Variants in MACROD2 observed in about 807,000 individuals in gnomAD.
MACROD2 encodes mono-ADP ribosylhydrolase 2.
A neutral mutation model predicts 70.4 loss-of-function variants in MACROD2; 36 were observed. The observed-to-expected ratio is 0.51, with a 90% CI of 0.39 to 0.68. The LOEUF (loss-of-function observed/expected upper bound fraction) is 0.68, where lower values mean the gene tolerates loss of function less well. Ranked by LOEUF, MACROD2 falls within the 30% of genes least tolerant of loss-of-function variation. MACROD2 has a pLI of 0.00. For synonymous variants in MACROD2, 172 were observed against 178.8 expected, an observed-to-expected ratio of 0.96 and a Z score of 0.30; for missense variants, 496 against 538.4, an observed-to-expected ratio of 0.92 and a Z score of 0.78.
At chr20:14,740,449 C>G (rs1736404525) in intron 5 of MACROD2, among the ~76,000 whole-genome samples, 1 of 152,126 alleles carries the variant, frequency 6.6e-6, no homozygotes, top group Non-Finnish European at 1.5e-5. Flanking sequence ...AGTGGCAAAT[C>G]TTTTCCTTGG....
chr20:14,020,698 C>T lies in MACROD2; in HGVS notation c.163+18294C>T, dbSNP rs557669509. On this transcript the variant is annotated intron_variant, in intron 2 of 17. Coordinates refer to ENST00000684519, the MANE Select transcript of MACROD2 (RefSeq NM_001351661.2). ...AGTACTTGTTGAAGGCTGTAGTAGT[C>T]CATTTGTCCTGAGACTTTCCAAACA... is the stretch of plus-strand genomic sequence containing the variant. Among the ~76,000 whole-genome samples the T allele has an allele frequency of 2.0e-5, 3 of 152,180 alleles. No individual in the cohort carries two copies. In the South Asian group the frequency reaches 6.2e-4, roughly 32 times the overall value.
chr20:15,006,866 T>A (rs896545239), intron 5 of MACROD2, among the ~76,000 whole-genome samples: 17 of 152,282 alleles, frequency 1.1e-4, no homozygotes, highest in Non-Finnish European at 2.4e-4. Flanking sequence ...AGTGTGCTTA[T>A]TAAGATCCAG....
At chr20:14,603,255 G>A (rs2075038721) in intron 4 of MACROD2, among the ~76,000 whole-genome samples, 1 of 152,132 alleles carries the variant, frequency 6.6e-6, no homozygotes, top group African/African-American at 2.4e-5. Context: ...ACTAGAGTGG[G>A]GAGGAACTGT....
At chr20:15,714,849 G>T (rs1383945030) in intron 8 of MACROD2, among the ~76,000 whole-genome samples, 2 of 152,000 alleles carry the variant, frequency 1.3e-5, no homozygotes, top group African/African-American at 4.8e-5. Context: ...ATCTATATAT[G>T]TATAAATATA....
At chr20:15,470,593 C>T (rs1365022613) in intron 7 of MACROD2, among the ~76,000 whole-genome samples, 2 of 152,166 alleles carry the variant, frequency 1.3e-5, no homozygotes, top group African/African-American at 4.8e-5. Context: ...AGAGATACCA[C>T]CAATCCCATC....
intron 8 of MACROD2, among the ~76,000 whole-genome samples, chr20:15,521,397 A>G (rs1248849757): frequency 1.3e-5 from 2 of 152,256 alleles, no homozygotes; most frequent in Non-Finnish European, 2.9e-5. Flanking sequence ...GAATAGATTT[A>G]AAGCTACTAG....
chr20:14,431,093 TG>T, intron 3 of MACROD2, among the ~76,000 whole-genome samples: 1 of 152,286 alleles, frequency 6.6e-6, no homozygotes, highest in Admixed American at 6.5e-5. Flanking sequence ...TGCTGTCTGA[TG>T]ACACAGAGTA....
chr20:14,485,664 T>C (rs1165143830), intron 3 of MACROD2, among the ~76,000 whole-genome samples: 3 of 85,598 alleles, frequency 3.5e-5, no homozygotes, highest in African/African-American at 1.5e-4. Flanking sequence ...TCGTGCCACT[T>C]GCACTCCAGC....
At chr20:15,353,577 T>C (rs953882920) in intron 6 of MACROD2, among the ~76,000 whole-genome samples, 4 of 151,758 alleles carry the variant, frequency 2.6e-5, no homozygotes, top group African/African-American at 9.7e-5. Flanking sequence ...ACCTACAAAA[T>C]GGGAGAAAAT....
intron 8 of MACROD2, among the ~76,000 whole-genome samples, chr20:15,736,861 C>A (rs1049332264): frequency 6.6e-6 from 1 of 152,054 alleles, no homozygotes; most frequent in Non-Finnish European, 1.5e-5. Context: ...AACCACTCTC[C>A]CATTGATATT....
At chr20:14,982,722 G>A (rs928999306) in intron 5 of MACROD2, among the ~76,000 whole-genome samples, 1 of 152,236 alleles carries the variant, frequency 6.6e-6, no homozygotes, top group African/African-American at 2.4e-5. Context: ...TTCAGAAGAT[G>A]TATAGAAATG....
chr20:15,533,569 CTCTCTCTCTCTCTT>C (rs1311193793), intron 8 of MACROD2, among the ~76,000 whole-genome samples: 1 of 139,116 alleles, frequency 7.2e-6, no homozygotes, highest in African/African-American at 2.7e-5. Flanking sequence ...CTCTCTCTCT[CTCTCTCTCTCTCTT>C]TTTAAGAAGA....
intron 5 of MACROD2, among the ~76,000 whole-genome samples, chr20:15,128,768 A>T (rs2123269567): frequency 6.6e-6 from 1 of 151,702 alleles, no homozygotes; most frequent in African/African-American, 2.4e-5. Flanking sequence ...TCACCCACAC[A>T]CTCTTTTTCA....
chr20:15,700,091 A>G (rs570696714), intron 8 of MACROD2, among the ~76,000 whole-genome samples: 2 of 152,142 alleles, frequency 1.3e-5, no homozygotes, highest in South Asian at 4.2e-4. Flanking sequence ...CAGTTGGGGC[A>G]CTCAATATTT....
Position 14,689,928 on chromosome 20 carries a change from G to C in MACROD2, c.418+4969G>C, listed in dbSNP as rs538346136. Among the ~76,000 whole-genome samples the C allele has an allele frequency of 2.0e-5, 3 of 152,220 alleles. No individual in the cohort carries two copies. In the East Asian group the frequency reaches 5.8e-4, roughly 29 times the overall value. On this transcript the variant is annotated intron_variant, in intron 5 of 17. Transcript: ENST00000684519. ...CCTGGTTGATAATTGGTAGTAGGTG[G>C]AATATAAAGGAAAAATTATGCTAAT... is the stretch of plus-strand genomic sequence containing the variant.
chr20:15,208,561 C>T (rs1251027645), intron 5 of MACROD2, among the ~76,000 whole-genome samples: 1 of 152,158 alleles, frequency 6.6e-6, no homozygotes, highest in Admixed American at 6.5e-5. Context: ...AACTGTATCA[C>T]ACTCACAGGG....
chr20:15,499,728 C>T, intron 7 of MACROD2, 46 bp from the exon 8 acceptor site: 1 of 1,580,426 alleles, frequency 6.3e-7, no homozygotes, highest in Non-Finnish European at 8.7e-7. Flanking sequence ...CTCCCTTTTG[C>T]CTTCATCTTT....
intron 5 of MACROD2, among the ~76,000 whole-genome samples, chr20:14,996,323 A>G (rs1320660564): frequency 1.3e-5 from 2 of 152,150 alleles, no homozygotes; most frequent in African/African-American, 2.4e-5. Context: ...ACTCAGATCC[A>G]CTGAAGCCTA....
chr20:14,558,752 TTTAA>T (rs761291038), intron 4 of MACROD2, among the ~76,000 whole-genome samples: 24 of 151,826 alleles, frequency 1.6e-4, no homozygotes, highest in Non-Finnish European at 1.9e-4. Flanking sequence ...TATAATAGTC[TTTAA>T]TTATGGCATA....
Sources: gnomAD v4.1 joint callset for allele counts (sites outside exome capture counted in the v4.1 genomes callset) on GRCh38, gnomAD v4.1.1 for gene constraint, MANE v1.5 for transcripts, NCBI Gene and HGNC (gene_info 2026-07-23, HGNC 2026-07-21) for gene names.